LCLAT1: variants seen among roughly 807,000 people sequenced by gnomAD.
The protein encoded by LCLAT1 is lysocardiolipin acyltransferase 1.
In LCLAT1, 11 loss-of-function variants were observed where a neutral mutation model predicts 30.7. The observed-to-expected ratio is 0.36, with a 90% CI of 0.23 to 0.59. The LOEUF (loss-of-function observed/expected upper bound fraction) is 0.59. Among genes scored for constraint, LCLAT1 ranks in the 20% least tolerant of loss-of-function variants. The pLI is 0.77. For synonymous variants in LCLAT1, 155 were observed against 151.3 expected (o/e 1.02, Z -0.18); for missense variants, 402 against 458.6 (o/e 0.88, Z 1.13).
intron 5 of LCLAT1, among the ~76,000 whole-genome samples, chr2:30,609,983 G>T (rs769239246): frequency 7.9e-5 from 12 of 152,060 alleles, no homozygotes; most frequent in Non-Finnish European, 1.5e-4. Context: ...TGTGATGAAT[G>T]CATGTCTTAA....
At chr2:30,564,503 A>G (rs1039253274) in intron 4 of LCLAT1, among the ~76,000 whole-genome samples, 1 of 152,164 alleles carries the variant, frequency 6.6e-6, no homozygotes, top group Non-Finnish European at 1.5e-5. Flanking sequence ...TTTGGAGTCC[A>G]TAGTGCTCAC....
At chr2:30,535,101 A>G (rs1480658410) in intron 3 of LCLAT1, among the ~76,000 whole-genome samples, 1 of 152,190 alleles carries the variant, frequency 6.6e-6, no homozygotes, top group Non-Finnish European at 1.5e-5. Context: ...ATCCATAATT[A>G]AAAGTCCTCT....
rs576639399 is a variant in LCLAT1, at chr2:30,631,387, C to T, written c.629-8730C>T. 2.0e-5 allele frequency among the ~76,000 whole-genome samples: 3 copies of T among 152,328 alleles called. No individual in the cohort carries two copies. In the South Asian group the frequency reaches 6.2e-4, roughly 32 times the overall value. On this transcript the variant is annotated intron_variant, in intron 5 of 5. Transcript: ENST00000379509. ...ACGGATATAGGGTTGCCATGATTAG[C>T]TCAGGTCAGTATCCTAAAGGCTATG...
chr2:30,631,660 T>C (rs1247396581), intron 5 of LCLAT1, among the ~76,000 whole-genome samples: 1 of 152,232 alleles, frequency 6.6e-6, no homozygotes, highest in East Asian at 1.9e-4. Context: ...TAATGCATTA[T>C]GTGAAAAATA....
At chr2:30,639,977 G>A (rs1572732540) in intron 5 of LCLAT1, 140 bp from the exon 6 acceptor site, 1 of 492,704 alleles carries the variant, frequency 2.0e-6, no homozygotes, top group South Asian at 3.4e-5. Context: ...AGGAACACCA[G>A]TATCTCTAAC....
At chr2:30,635,737 A>G (rs904860367) in intron 5 of LCLAT1, among the ~76,000 whole-genome samples, 2 of 152,248 alleles carry the variant, frequency 1.3e-5, no homozygotes, top group Non-Finnish European at 2.9e-5. Context: ...AGATGCTAAC[A>G]TCCAAAACTT....
intron 5 of LCLAT1, among the ~76,000 whole-genome samples, chr2:30,619,845 A>G (rs1197670212): frequency 2.6e-5 from 4 of 152,140 alleles, no homozygotes; most frequent in Admixed American, 2.6e-4. Flanking sequence ...CCAGAATCAT[A>G]TCTAGCAAGA....
intron 5 of LCLAT1, among the ~76,000 whole-genome samples, chr2:30,580,560 G>A (rs766622775): frequency 3.3e-5 from 5 of 152,262 alleles, no homozygotes; most frequent in South Asian, 2.1e-4. Context: ...CTGATGAAGC[G>A]GAGAGGGCTG....
At chr2:30,632,393 G>T (rs989638259) in intron 5 of LCLAT1, among the ~76,000 whole-genome samples, 1 of 152,180 alleles carries the variant, frequency 6.6e-6, no homozygotes, top group Non-Finnish European at 1.5e-5. Context: ...AGTTAGTAGG[G>T]ATGGAGAGGA....
chr2:30,478,685 AG>A (rs1369388449), intron 1 of LCLAT1, among the ~76,000 whole-genome samples: 47 of 151,586 alleles, frequency 3.1e-4, no homozygotes, highest in Non-Finnish European at 2.6e-4. Flanking sequence ...ATAAATAGAT[AG>A]ATAGGTAGGT....
intron 1 of LCLAT1, among the ~76,000 whole-genome samples, chr2:30,514,186 C>T (rs1444969838): frequency 2.0e-5 from 3 of 152,174 alleles, no homozygotes; most frequent in African/African-American, 4.8e-5. Flanking sequence ...CAGCAACTTG[C>T]TTTTGAGGCT....
chr2:30,605,910 T>G, intron 5 of LCLAT1: 1 of 674,294 alleles, frequency 1.5e-6, no homozygotes, highest in South Asian at 2.5e-5. Context: ...ATTAGTTAGA[T>G]TCTCATAAGG....
intron 1 of LCLAT1, among the ~76,000 whole-genome samples, chr2:30,486,478 C>G (rs921594661): frequency 6.6e-6 from 1 of 152,104 alleles, no homozygotes; most frequent in East Asian, 1.9e-4. Flanking sequence ...TTGCTGCTCC[C>G]CAGAATACAG....
At chr2:30,561,613 T>G (rs1416060947) in intron 3 of LCLAT1, among the ~76,000 whole-genome samples, 1 of 152,206 alleles carries the variant, frequency 6.6e-6, no homozygotes, top group African/African-American at 2.4e-5. Flanking sequence ...TTAGTACCAT[T>G]GCACAATTTC....
In LCLAT1 at chr2:30,555,365, A is replaced by G. The variant is rs148803814; in HGVS notation, c.365-6781A>G. On this transcript the variant is annotated intron_variant, in intron 3 of 5. Coordinates refer to ENST00000379509, the MANE Select transcript of LCLAT1 (RefSeq NM_001002257.3). ...ATTATTTTGAGGAGAACTAACAGAA[A>G]GACATAGGCAACAAGAAGAAATGAT... 6.6e-5 allele frequency among the ~76,000 whole-genome samples: 10 copies of G among 152,288 alleles called. No homozygotes were observed. The East Asian group carries it at 1.5e-3, about 24-fold the overall frequency.
intron 5 of LCLAT1, among the ~76,000 whole-genome samples, chr2:30,638,785 TCCCACA>T: frequency 1.1e-5 from 1 of 91,870 alleles, no homozygotes; most frequent in East Asian, 2.7e-4. Context: ...CTCCCCATTC[TCCCACA>T]TCCAGTTGGC....
chr2:30,470,835 G>C (rs1180730961), intron 1 of LCLAT1, among the ~76,000 whole-genome samples: 1 of 151,774 alleles, frequency 6.6e-6, no homozygotes, highest in Non-Finnish European at 1.5e-5. Flanking sequence ...AATTGAGTCT[G>C]TAGATTGCTT....
intron 3 of LCLAT1, among the ~76,000 whole-genome samples, chr2:30,553,596 A>T (rs1343955710): frequency 1.3e-5 from 2 of 151,864 alleles, no homozygotes; most frequent in African/African-American, 4.8e-5. Context: ...CGGGTGGATC[A>T]TGAGGTCAGG....
chr2:30,531,108 A>G (rs1433406485), intron 2 of LCLAT1, among the ~76,000 whole-genome samples: 1 of 152,052 alleles, frequency 6.6e-6, no homozygotes, highest in Non-Finnish European at 1.5e-5. Flanking sequence ...TACTGAAAAT[A>G]CAAAATATTA....
Sources: allele counts gnomAD v4.1 joint callset (sites outside exome capture counted in the v4.1 genomes callset), GRCh38; gene constraint gnomAD v4.1.1; transcripts MANE v1.5; gene names NCBI Gene and HGNC (gene_info 2026-07-23, HGNC 2026-07-21).